Variants in ATP8A2 observed in about 807,000 individuals in gnomAD.
The protein encoded by ATP8A2 is phospholipid-transporting ATPase IB.
A neutral mutation model predicts 165.6 loss-of-function variants in ATP8A2; 100 were observed. The ratio of observed to expected loss-of-function variants is 0.60; its 90% confidence interval spans 0.51 to 0.71. ATP8A2 has a LOEUF of 0.71. Ranked by LOEUF, ATP8A2 falls within the 30% of genes least tolerant of loss-of-function variation. ATP8A2 has a pLI of 0.00. For missense variants in ATP8A2, 1,227 were observed against 1,479.5 expected (o/e 0.83, Z 2.80); for synonymous variants, 543 against 548.8 (o/e 0.99, Z 0.15).
chr13:25,482,998 G>A (rs2036251202), intron 2 of ATP8A2, among the ~76,000 whole-genome samples: 1 of 152,246 alleles, frequency 6.6e-6, no homozygotes, highest in East Asian at 1.9e-4. Context: ...TGCTGTGAAA[G>A]GCCAGGCTAC....
intron 24 of ATP8A2, among the ~76,000 whole-genome samples, chr13:25,633,097 A>G (rs1389395362): frequency 2.6e-5 from 4 of 152,212 alleles, no homozygotes; most frequent in Admixed American, 6.5e-5. Flanking sequence ...TTCAGCCTCT[A>G]CTTGATCCCT....
chr13:25,939,196 C>T (rs1172962259), intron 33 of ATP8A2, among the ~76,000 whole-genome samples: 1 of 152,162 alleles, frequency 6.6e-6, no homozygotes, highest in South Asian at 2.1e-4. Flanking sequence ...CACCAGCGTG[C>T]TCCTTTTACC....
Position 25,699,163 on chromosome 13 carries a change from C to G in ATP8A2, c.2212-10C>G. 4 of 1,526,392 alleles carry G rather than the reference C, an allele frequency of 2.6e-6. No individual in the cohort carries two copies. The highest frequency in any genetic ancestry group is 3.5e-6 in the Non-Finnish European group (4 of 1,134,148). 94.6% of individuals were successfully genotyped at this position (1,526,392 alleles called of 1,614,324 possible). A position where few individuals can be genotyped will look rare whatever the true frequency, so the allele number is the denominator to read the frequency against. On this transcript the variant is annotated splice_polypyrimidine_tract_variant and intron_variant, in intron 24 of 36. Coordinates refer to ENST00000381655, the MANE Select transcript of ATP8A2 (RefSeq NM_016529.6). ...AAAAAATGTGATTTTCCCCTATACT[C>G]TTGTTTCAGGCCACAAGGGCAGCCA...
intron 15 of ATP8A2, among the ~76,000 whole-genome samples, chr13:25,562,015 C>CATCT (rs2039170633): frequency 6.6e-6 from 1 of 152,182 alleles, no homozygotes; most frequent in African/African-American, 2.4e-5. Context: ...TTTATCCCAC[C>CATCT]ATCTGTTCAT....
At chr13:25,702,825 C>T (rs1297547598) in intron 25 of ATP8A2, among the ~76,000 whole-genome samples, 1 of 152,068 alleles carries the variant, frequency 6.6e-6, no homozygotes, top group Non-Finnish European at 1.5e-5. Flanking sequence ...AGGGCTCTTC[C>T]CTTGAGGGGT....
At chr13:25,926,475 C>T (rs1954610649) in intron 33 of ATP8A2, among the ~76,000 whole-genome samples, 1 of 152,166 alleles carries the variant, frequency 6.6e-6, no homozygotes, top group East Asian at 1.9e-4. Flanking sequence ...TTTTCCAATA[C>T]ATGGACGGGG....
intron 33 of ATP8A2, among the ~76,000 whole-genome samples, chr13:25,940,871 C>G (rs1296061528): frequency 6.6e-6 from 1 of 152,182 alleles, no homozygotes; most frequent in African/African-American, 2.4e-5. Flanking sequence ...CCTGAGTGAC[C>G]TCACCTGTGA....
intron 33 of ATP8A2, among the ~76,000 whole-genome samples, chr13:25,946,810 C>G (rs368741006): frequency 6.6e-6 from 1 of 152,178 alleles, no homozygotes; most frequent in Non-Finnish European, 1.5e-5. Context: ...GGCAGTGGCA[C>G]GATCTTGGCT....
At chr13:25,963,416 G>GAAAAGA (rs201616770) in intron 34 of ATP8A2, among the ~76,000 whole-genome samples, 9 of 147,992 alleles carry the variant, frequency 6.1e-5, no homozygotes, top group African/African-American at 1.5e-4. Context: ...AAAAAGAAAA[G>GAAAAGA]AAAAGAAAAA....
At chr13:25,649,351 T>A (rs1185450798) in intron 24 of ATP8A2, among the ~76,000 whole-genome samples, 1 of 152,146 alleles carries the variant, frequency 6.6e-6, no homozygotes, top group East Asian at 1.9e-4. Context: ...TAGCCTCAGA[T>A]CAGGCCAGGG....
At chr13:25,507,434 T>C (rs1164495329) in intron 2 of ATP8A2, among the ~76,000 whole-genome samples, 1 of 151,918 alleles carries the variant, frequency 6.6e-6, no homozygotes, top group Non-Finnish European at 1.5e-5. Flanking sequence ...CCTGGCTAAT[T>C]TTTGTATTTT....
At chr13:25,859,250 C>CG (rs1373568765) in intron 30 of ATP8A2, among the ~76,000 whole-genome samples, 21 of 152,032 alleles carry the variant, frequency 1.4e-4, no homozygotes, top group African/African-American at 5.1e-4. Context: ...AAACACTACC[C>CG]ATTGGGTACT....
At chr13:25,439,588 T>C (rs2034874664) in intron 1 of ATP8A2, among the ~76,000 whole-genome samples, 1 of 152,108 alleles carries the variant, frequency 6.6e-6, no homozygotes, top group South Asian at 2.1e-4. Flanking sequence ...ACATACTGAG[T>C]TGGGGGACTT....
At chr13:25,633,631 C>T (rs554556178) in intron 24 of ATP8A2, among the ~76,000 whole-genome samples, 24 of 152,142 alleles carry the variant, frequency 1.6e-4, no homozygotes, top group Admixed American at 1.6e-3. Flanking sequence ...TCTTGAATTC[C>T]TGTAATTTAG....
intron 24 of ATP8A2, among the ~76,000 whole-genome samples, chr13:25,652,589 T>C (rs1181806710): frequency 6.6e-6 from 1 of 152,264 alleles, no homozygotes; most frequent in Non-Finnish European, 1.5e-5. Flanking sequence ...TATGTGATCA[T>C]CTTTTCCATG....
intron 25 of ATP8A2, among the ~76,000 whole-genome samples, chr13:25,700,014 A>G (rs2042918382): frequency 2.0e-5 from 3 of 152,198 alleles, no homozygotes; most frequent in Non-Finnish European, 4.4e-5. Flanking sequence ...GGGGCTGGCT[A>G]GTGGAGCATC....
rs184417056 is a variant in ATP8A2 at position 25,639,542 on chromosome 13, A to G, written c.2211+49843A>G. On this transcript the variant is annotated intron_variant, in intron 24 of 36. Transcript: ENST00000381655. ...TAATGGCAAAGGGATCAATTCAACA[A>G]GAAGAGCTAACTATCCTAAATATAT... Among the ~76,000 whole-genome samples, 64 of 152,374 alleles carry G rather than the reference A, an allele frequency of 4.2e-4. No individual in the cohort carries two copies. The East Asian group carries it at 0.012, about 28-fold the overall frequency.
At chr13:25,641,758 A>G (rs2041528027) in intron 24 of ATP8A2, among the ~76,000 whole-genome samples, 2 of 152,060 alleles carry the variant, frequency 1.3e-5, no homozygotes, top group Middle Eastern at 3.4e-3. Context: ...AACTACTTTA[A>G]AGTTCATATG....
At chr13:25,423,441 A>AT (rs759305837) in intron 1 of ATP8A2, among the ~76,000 whole-genome samples, 2 of 152,136 alleles carry the variant, frequency 1.3e-5, no homozygotes, top group Non-Finnish European at 2.9e-5. Context: ...GGTCATGTGC[A>AT]TTTTTGTGTA....
Sources: allele counts gnomAD v4.1 joint callset (sites outside exome capture counted in the v4.1 genomes callset), GRCh38; gene constraint gnomAD v4.1.1; transcripts MANE v1.5; gene names NCBI Gene and HGNC (gene_info 2026-07-23, HGNC 2026-07-21).